Variants in TRIM43 observed in about 807,000 individuals in gnomAD.
TRIM43 encodes the protein tripartite motif containing 43, also known as tripartite motif-containing protein 43.
A neutral mutation model predicts 27.7 loss-of-function variants in TRIM43; 12 were observed. The ratio of observed to expected loss-of-function variants is 0.43; its 90% CI spans 0.28 to 0.70. The LOEUF (loss-of-function observed/expected upper bound fraction) is 0.70, where lower values mean the gene tolerates loss of function less well. Among genes scored for constraint, TRIM43 ranks in the 30% least tolerant of loss-of-function variants. The probability of loss-of-function intolerance (pLI) is 0.17; values close to 1 mark genes in which losing one functional copy is unlikely to be tolerated. For synonymous variants in TRIM43, 64 were observed against 121.9 expected, an observed-to-expected ratio of 0.52 and a Z score of 3.13; for missense variants, 186 against 356.5, an observed-to-expected ratio of 0.52 and a Z score of 3.85.
intron 3 of TRIM43, among the ~76,000 whole-genome samples, chr2:95,595,520 A>G (rs1381327517): frequency 6.6e-6 from 1 of 151,352 alleles, no homozygotes; most frequent in Non-Finnish European, 1.5e-5. Context: ...GTAATTTAAG[A>G]AATGTGCCTG....
chr2:95,592,561 C>A (rs1685270768), intron 1 of TRIM43, among the ~76,000 whole-genome samples: 1 of 151,250 alleles, frequency 6.6e-6, no homozygotes, highest in South Asian at 2.1e-4. Context: ...TTAGTAGAGA[C>A]GGGATTTCAC....
chr2:95,599,659 C>A lies in TRIM43; in HGVS notation c.*86C>A. The A allele has an allele frequency of 2.1e-6, 3 of 1,441,416 alleles. No homozygotes were observed. The highest frequency in any genetic ancestry group is 2.7e-6 in the Non-Finnish European group (3 of 1,095,022). 89.3% of individuals were successfully genotyped at this position (1,441,416 alleles called of 1,614,324 possible). ...ATACAAAGAAATCATACTGTTCAGG[C>A]TTTTTTGTACTTTAGTGTCACTTCA... On this transcript the variant is annotated 3_prime_UTR_variant, in exon 7 of 7. Transcript: ENST00000272395.
At chr2:95,595,220 G>C (rs1340173461) in intron 3 of TRIM43, 75 bp downstream of exon 3, 34 of 1,031,880 alleles carry the variant, frequency 3.3e-5, no homozygotes, top group African/African-American at 4.9e-5. Context: ...AGCAACTTGA[G>C]TTGAAATTCT....
chr2:95,592,206 AAT>A lies in TRIM43; in HGVS notation c.-5+58_-5+59del. On this transcript the variant is annotated intron_variant, in intron 1 of 6. Coordinates refer to ENST00000272395, the MANE Select transcript of TRIM43 (RefSeq NM_138800.3). ...TATTAGGAGCTACAAACCAAAACAA[AAT>A]TTGGGGACTTTAATTTATCTGCAAA... 2 of 151,744 alleles carry A rather than the reference AAT, an allele frequency of 1.3e-5. 1 individual carries two copies. The highest frequency in any genetic ancestry group is 4.1e-4 in the South Asian group (2 of 4,824). 9.4% of individuals were successfully genotyped at this position (151,744 alleles called of 1,614,324 possible). A position where few individuals can be genotyped will look rare whatever the true frequency, so the allele number is the denominator to read the frequency against.
rs897598193 is a variant in TRIM43, at chr2:95,599,181, A to C, written c.949A>C (p.Asn317His). Residue 317 changes from asparagine (N) to histidine (H), a missense_variant, in exon 7 of 7, where the codon AAT (asparagine) becomes CAT (histidine). Transcript: ENST00000272395. ...TTGGATGTTTAGACGTGGACCTTTG[A>C]ATTCTGACAGATCTGACTATTTTGC... ...RSWMFRRGPLNSDRSDYFAAW... is the reference protein window; with the variant it reads ...RSWMFRRGPLHSDRSDYFAAW... 5.9e-5 allele frequency: 8 copies of C among 135,474 alleles called. No homozygotes were observed. The African/African-American group carries it at 1.5e-3, about 25-fold the overall frequency. 8.4% of individuals were successfully genotyped at this position (135,474 alleles called of 1,614,324 possible).
chr2:95,594,852 T>C lies in TRIM43; in HGVS notation c.412-198T>C, dbSNP rs569603544. Reference sequence around the variant, plus strand: ...TAGCTGGGTTACAGGAAATCTTCACTCTTCAGTTCCCTAAGCTGTTCTACA... The same window carrying C: ...TAGCTGGGTTACAGGAAATCTTCACCCTTCAGTTCCCTAAGCTGTTCTACA... On this transcript the variant is annotated intron_variant, in intron 2 of 6. Transcript: ENST00000272395. Among the ~76,000 whole-genome samples, 26 of 151,818 alleles carry C rather than the reference T, an allele frequency of 1.7e-4. No individual in the cohort carries two copies. In the South Asian group the frequency reaches 5.4e-3, roughly 32 times the overall value.
intron 3 of TRIM43, 104 bp downstream of exon 3, chr2:95,595,249 G>C (rs1472600520): frequency 1.2e-6 from 1 of 843,310 alleles, no homozygotes; most frequent in Non-Finnish European, 1.8e-6. Context: ...ATTTTGTCAT[G>C]TGTTTATTCA....
rs772833522 is a variant in TRIM43, at chr2:95,595,137, C to T, written c.499C>T (p.Leu167Phe). The T allele has an allele frequency of 1.2e-6, 2 of 1,611,488 alleles. 1 individual carries two copies. Among genetic ancestry groups the T allele is most frequent in the Non-Finnish European group, 1.7e-6 (2 of 1,178,726 alleles). ...NLYEEGRTAF[L>F]WRGNVVLRAQ... The stretch of plus-strand genomic sequence containing the variant: ...ATATGAGGAGGGAAGAACAGCCTTC[C>T]TCTGGAGGGTAAGTATGAGACCGTG... The change falls in exon 3 of 7, where the codon CTC (leucine) becomes TTC (phenylalanine). Residue 167 changes from leucine to phenylalanine, a missense_variant. Leu to Phe is a conservative substitution (Grantham distance 22). Transcript: ENST00000272395.
Position 95,599,563 on chromosome 2 carries a change from G to A in TRIM43, c.1331G>A (p.Gly444Asp), listed in dbSNP as rs1284409301. 7.7e-7 allele frequency: 1 copy of A among 1,302,918 alleles called. No homozygotes were observed. The highest frequency in any genetic ancestry group is 9.8e-7 in the Non-Finnish European group (1 of 1,017,626). 80.7% of individuals were successfully genotyped at this position (1,302,918 alleles called of 1,614,324 possible). A position where few individuals can be genotyped will look rare whatever the true frequency, so the allele number is the denominator to read the frequency against. ...TFPVRPFFYT[G>D]HR Reference sequence around the variant, plus strand: ...CCTGTCAGGCCTTTCTTTTACACTGGCCACAGATGATCAGGATTAAGAAAA... The same window carrying A: ...CCTGTCAGGCCTTTCTTTTACACTGACCACAGATGATCAGGATTAAGAAAA... The change falls in exon 7 of 7, where the codon GGC becomes GAC. Residue 444 changes from glycine (G) to aspartate (D), a missense_variant. Gly to Asp is a moderately conservative substitution (Grantham distance 94). Transcript: ENST00000272395.
rs1250091011 is a variant in TRIM43 at position 95,595,138 on chromosome 2, T to C, written c.500T>C (p.Leu167Pro). The C allele has an allele frequency of 6.2e-7, 1 of 1,611,514 alleles. No homozygotes were observed. Among genetic ancestry groups the C allele is most frequent in the Non-Finnish European group, 8.5e-7 (1 of 1,178,694 alleles). Residue 167 changes from leucine (L) to proline (P), a missense_variant, in exon 3 of 7, where the codon CTC (leucine) becomes CCC (proline). This residue lies in a region of TRIM43 where 91 missense variants were observed against 119.3 expected (regional missense o/e 0.76). Coordinates refer to ENST00000272395, the MANE Select transcript of TRIM43 (RefSeq NM_138800.3). Reference sequence around the variant, plus strand: ...TATGAGGAGGGAAGAACAGCCTTCCTCTGGAGGGTAAGTATGAGACCGTGA... The same window carrying C: ...TATGAGGAGGGAAGAACAGCCTTCCCCTGGAGGGTAAGTATGAGACCGTGA... Reference protein sequence around the residue: ...NLYEEGRTAFLWRGNVVLRAQ... With the variant: ...NLYEEGRTAFPWRGNVVLRAQ...
chr2:95,592,924 T>G (rs1392448902), intron 1 of TRIM43, among the ~76,000 whole-genome samples: 1 of 150,336 alleles, frequency 6.7e-6, no homozygotes, highest in Non-Finnish European at 1.5e-5. Flanking sequence ...GGAGACAGAG[T>G]CTTGCTCTGT....
chr2:95,595,468 T>C (rs1685339369), intron 3 of TRIM43, among the ~76,000 whole-genome samples: 1 of 151,690 alleles, frequency 6.6e-6, no homozygotes, highest in African/African-American at 2.4e-5. Context: ...CATTTATTGG[T>C]GAATATGATA....
At chr2:95,593,766 C>G (rs1160441329) in intron 1 of TRIM43, among the ~76,000 whole-genome samples, 1 of 151,720 alleles carries the variant, frequency 6.6e-6, no homozygotes, top group Non-Finnish European at 1.5e-5. Flanking sequence ...TCAAAAAATC[C>G]GACATTCTTC....
chr2:95,592,670 C>CTTTTTTTTTTT (rs1047424060), intron 1 of TRIM43, among the ~76,000 whole-genome samples: 3 of 147,546 alleles, frequency 2.0e-5, no homozygotes, highest in East Asian at 2.0e-4. Context: ...CGCGCCCGGC[C>CTTTTTTTTTTT]TTTTTTTTTT....
In TRIM43 at chr2:95,594,178, G is replaced by A. The variant is rs763092754; in HGVS notation, c.155G>A (p.Cys52Tyr). 126 of 1,611,522 alleles carry A rather than the reference G, an allele frequency of 7.8e-5. 2 individuals are homozygous for A. In the Middle Eastern group the frequency reaches 1.8e-3, roughly 23 times the overall value. ...GAGGAAGCCCAAAGTCCTGCAAACT[G>A]CCCTGCATGCAGGGAACCATCACCG... ...SWEEAQSPAN[C>Y]PACREPSPKM... The change falls in exon 2 of 7, where the codon TGC (cysteine) becomes TAC (tyrosine). Residue 52 changes from cysteine to tyrosine, a missense_variant. Cys to Tyr is a radical substitution (Grantham distance 194, BLOSUM62 -2). Around this residue, in one of 6 missense-constraint regions of TRIM43, gnomAD observed 29 missense variants for 78.7 expected, o/e 0.37. Transcript: ENST00000272395.
At chr2:95,595,366 T>C (rs1320732892) in intron 3 of TRIM43, among the ~76,000 whole-genome samples, 2 of 151,736 alleles carry the variant, frequency 1.3e-5, no homozygotes, top group African/African-American at 4.8e-5. Flanking sequence ...GGCAAGTATG[T>C]GCTTAAAATT....
In TRIM43 at chr2:95,595,089, A is replaced by G. The variant is rs1189441608; in HGVS notation, c.451A>G (p.Ile151Val). Residue 151 changes from isoleucine to valine, a missense_variant, in exon 3 of 7, where the codon ATT (isoleucine) becomes GTT (valine). Physicochemically the swap from Ile to Val is conservative, Grantham distance 29 (BLOSUM62 3). Around this residue, in one of 6 missense-constraint regions of TRIM43, gnomAD observed 91 missense variants for 119.3 expected, o/e 0.76. Coordinates refer to ENST00000272395, the MANE Select transcript of TRIM43 (RefSeq NM_138800.3). ...LKQMRILWKKIQENQRNLYEE... is the reference protein window; with the variant it reads ...LKQMRILWKKVQENQRNLYEE... ...GCAAATGAGGATTTTATGGAAAAAG[A>G]TTCAAGAAAATCAGAGAAATCTATA... 4 of 1,612,356 alleles carry G rather than the reference A, an allele frequency of 2.5e-6. No homozygotes were observed. Among genetic ancestry groups the G allele is most frequent in the African/African-American group, 1.3e-5 (1 of 74,868 alleles).
intron 1 of TRIM43, 112 bp from the exon 2 acceptor site, chr2:95,593,908 A>C: frequency 1.3e-6 from 2 of 1,531,006 alleles, no homozygotes; most frequent in South Asian, 1.3e-5. Context: ...ATTAAAGCCT[A>C]TACTTCTTTA....
chr2:95,594,305 G>A lies in TRIM43; in HGVS notation c.282G>A (p.Gly94=), dbSNP rs1685314638. The A allele has an allele frequency of 6.2e-7, 1 of 1,609,766 alleles. No homozygotes were observed. Among genetic ancestry groups the A allele is most frequent in the Non-Finnish European group, 8.5e-7 (1 of 1,179,030 alleles). Residue 94 remains glycine (G), a synonymous_variant, in exon 2 of 7, where the codon GGG becomes GGA. Transcript: ENST00000272395. ...QFLSSEKQIC[G]THRQTKKMFC... ...TGAGCTCTGAGAAACAAATATGTGG[G>A]ACCCATAGGCAAACAAAGAAGATGT...
Sources: gnomAD v4.1 joint callset for allele counts (sites outside exome capture counted in the v4.1 genomes callset) on GRCh38, gnomAD v4.1.1 for gene constraint, gnomAD v4.1.1 regional missense constraint, MANE v1.5 for transcripts, NCBI Gene and HGNC (gene_info 2026-07-23, HGNC 2026-07-21) for gene names.